Variants in MAP4K5 observed in about 807,000 individuals in gnomAD.
MAP4K5 encodes mitogen-activated protein kinase kinase kinase kinase 5.
MAP4K5 carries 82 observed loss-of-function variants against 135.6 expected under a neutral mutation model. The ratio of observed to expected loss-of-function variants is 0.60; its 90% CI spans 0.51 to 0.73. The LOEUF is 0.73. MAP4K5 is among the 30% of genes least tolerant of loss of function. The pLI is 0.00. For synonymous variants in MAP4K5, 347 were observed against 335.0 expected (o/e 1.04, Z -0.39); for missense variants, 907 against 1,010.9 (o/e 0.90, Z 1.39).
chr14:50,486,551 A>G (rs2037367356), intron 3 of MAP4K5, among the ~76,000 whole-genome samples: 1 of 152,196 alleles, frequency 6.6e-6, no homozygotes, highest in South Asian at 2.1e-4. Context: ...TTATTTAAGT[A>G]TATAGAAAAA....
intron 19 of MAP4K5, 45 bp from the exon 20 acceptor site, chr14:50,443,815 T>TA (rs1484271261): frequency 1.3e-6 from 2 of 1,558,902 alleles, no homozygotes. Flanking sequence ...TCCTAAGTCT[T>TA]AAAAAGAAAC....
intron 20 of MAP4K5, 105 bp from the exon 21 acceptor site, chr14:50,442,921 T>C (rs1490556623): frequency 1.5e-6 from 1 of 649,448 alleles, no homozygotes; most frequent in East Asian, 2.9e-5. Context: ...CTTATTTGCG[T>C]ATGCTTGTTG....
chr14:50,486,947 C>T (rs2037375710), intron 3 of MAP4K5, among the ~76,000 whole-genome samples: 2 of 152,240 alleles, frequency 1.3e-5, no homozygotes, highest in African/African-American at 4.8e-5. Flanking sequence ...GAAAAACATA[C>T]AAGGCCAAGA....
chr14:50,442,663 AC>A, intron 21 of MAP4K5, 68 bp downstream of exon 21: 1 of 1,093,146 alleles, frequency 9.1e-7, no homozygotes, highest in Non-Finnish European at 1.4e-6. Flanking sequence ...ACTTCAAGTC[AC>A]TGATCATAAA....
At chr14:50,443,596 T>C (rs2036275375) in intron 20 of MAP4K5, 133 bp downstream of exon 20, 1 of 732,744 alleles carries the variant, frequency 1.4e-6, no homozygotes, top group East Asian at 2.8e-5. Flanking sequence ...TGATGAGATA[T>C]CCAAATGCAT....
At chr14:50,420,596 C>T (rs1401185257) in intron 32 of MAP4K5, among the ~76,000 whole-genome samples, 1 of 152,174 alleles carries the variant, frequency 6.6e-6, no homozygotes, top group African/African-American at 2.4e-5. Flanking sequence ...TGTGCCACTG[C>T]ACTTCAGCCT....
intron 13 of MAP4K5, 43 bp downstream of exon 13, chr14:50,462,622 A>G (rs1346752718): frequency 1.4e-6 from 2 of 1,400,350 alleles, no homozygotes; most frequent in Non-Finnish European, 2.0e-6. Context: ...AAGGCCTTAT[A>G]AAACATTTAT....
chr14:50,421,743 T>C (rs1285642513), intron 32 of MAP4K5, among the ~76,000 whole-genome samples: 1 of 151,680 alleles, frequency 6.6e-6, no homozygotes, highest in Non-Finnish European at 1.5e-5. Context: ...AAGGGAAAAG[T>C]GATGCACAAA....
At chr14:50,427,481 C>T (rs1355633306) in intron 30 of MAP4K5, among the ~76,000 whole-genome samples, 1 of 151,836 alleles carries the variant, frequency 6.6e-6, no homozygotes, top group Admixed American at 6.6e-5. Context: ...GATAAAACTC[C>T]AATTGAGAAA....
At chr14:50,489,993 A>G (rs1372428095) in intron 3 of MAP4K5, among the ~76,000 whole-genome samples, 2 of 152,094 alleles carry the variant, frequency 1.3e-5, no homozygotes, top group Admixed American at 1.3e-4. Flanking sequence ...GGGCAGTTGC[A>G]GGTTCTACCA....
chr14:50,490,521 A>G (rs2037461381), intron 3 of MAP4K5, among the ~76,000 whole-genome samples: 1 of 152,188 alleles, frequency 6.6e-6, no homozygotes, highest in Non-Finnish European at 1.5e-5. Flanking sequence ...ATAGTGTTTC[A>G]AGGCTGACAT....
chr14:50,500,243 T>C (rs1342160572), intron 3 of MAP4K5, among the ~76,000 whole-genome samples: 2 of 152,178 alleles, frequency 1.3e-5, no homozygotes, highest in African/African-American at 2.4e-5. Flanking sequence ...TATATACACG[T>C]ATACATATAA....
intron 3 of MAP4K5, among the ~76,000 whole-genome samples, chr14:50,489,534 T>C (rs564973635): frequency 2.6e-5 from 4 of 152,276 alleles, no homozygotes; most frequent in African/African-American, 9.6e-5. Context: ...AGTACCAATA[T>C]CTTCTCTTAA....
intron 3 of MAP4K5, among the ~76,000 whole-genome samples, chr14:50,490,008 G>A (rs900538124): frequency 2.6e-5 from 4 of 151,806 alleles, no homozygotes; most frequent in Non-Finnish European, 5.9e-5. Flanking sequence ...CTACCAAACC[G>A]CAGACAGAGA....
intron 16 of MAP4K5, among the ~76,000 whole-genome samples, chr14:50,446,529 C>T (rs1026868695): frequency 2.6e-5 from 4 of 152,198 alleles, no homozygotes; most frequent in African/African-American, 9.7e-5. Context: ...GGGAACTTTT[C>T]TAAATGCACA....
At position 50,499,128 on chromosome 14, in the gene MAP4K5, C is replaced by CA. The variant is rs562461718; in HGVS notation, c.166+5671dup. ...CTGATTTTCCACAAAAATTCCACAGCAAAAAAAAAAAGACAAATACAGGAT... is the reference window on the plus strand; with the variant it reads ...CTGATTTTCCACAAAAATTCCACAGCAAAAAAAAAAAAGACAAATACAGGAT... On this transcript the variant is annotated intron_variant, in intron 3 of 32. Transcript: ENST00000682126. Among the ~76,000 whole-genome samples, 578 of 130,338 alleles carry CA rather than the reference C, an allele frequency of 4.4e-3. 2 individuals carry two copies. The highest frequency in any genetic ancestry group is 0.013 in the African/African-American group (464 of 35,184). 85.5% of individuals were successfully genotyped at this position (130,338 alleles called of 152,430 possible). A position where few individuals can be genotyped will look rare whatever the true frequency, so the allele number is the denominator to read the frequency against.
chr14:50,491,749 G>T (rs575084060), intron 3 of MAP4K5, among the ~76,000 whole-genome samples: 1 of 149,716 alleles, frequency 6.7e-6, no homozygotes, highest in Non-Finnish European at 1.5e-5. Flanking sequence ...ACAGTGGCAC[G>T]ATCTTGGCTC....
intron 2 of MAP4K5, among the ~76,000 whole-genome samples, chr14:50,528,402 TAAAAAAA>T (rs5808556): frequency 9.3e-6 from 1 of 107,070 alleles, no homozygotes; most frequent in Non-Finnish European, 1.9e-5. Context: ...ACCTAAGGTG[TAAAAAAA>T]AAAAAAAAAA....
intron 3 of MAP4K5, among the ~76,000 whole-genome samples, chr14:50,503,808 T>C (rs1375650504): frequency 1.3e-5 from 2 of 152,054 alleles, no homozygotes; most frequent in African/African-American, 2.4e-5. Flanking sequence ...TGGACATAAC[T>C]TGAATAACCA....
Sources: gnomAD v4.1 joint callset for allele counts (sites outside exome capture counted in the v4.1 genomes callset) on GRCh38, gnomAD v4.1.1 for gene constraint, MANE v1.5 for transcripts, NCBI Gene and HGNC (gene_info 2026-07-23, HGNC 2026-07-21) for gene names.